Variants in TRAPPC9 observed in about 807,000 individuals in gnomAD.
The protein encoded by TRAPPC9 is IKK2 binding protein.
Under a neutral mutation model 124.0 loss-of-function variants are expected in TRAPPC9, and 83 were observed. The ratio of observed to expected loss-of-function variants is 0.67; its 90% CI spans 0.56 to 0.80. The LOEUF (loss-of-function observed/expected upper bound fraction) is 0.80, where lower values mean the gene tolerates loss of function less well. Among genes scored for constraint, TRAPPC9 ranks in the 30% least tolerant of loss-of-function variants. The pLI is 0.00. For synonymous variants in TRAPPC9, 638 were observed against 617.5 expected, an observed-to-expected ratio of 1.03 and a Z score of -0.49; for missense variants, 1,302 against 1,508.3, an observed-to-expected ratio of 0.86 and a Z score of 2.27.
chr8:140,130,158 T>A (rs953810737), intron 17 of TRAPPC9, among the ~76,000 whole-genome samples: 1 of 152,134 alleles, frequency 6.6e-6, no homozygotes, highest in Non-Finnish European at 1.5e-5. Context: ...AATAAAGAAC[T>A]GGAGTGGATC....
chr8:140,055,048 G>A (rs888367386), intron 17 of TRAPPC9, among the ~76,000 whole-genome samples: 1 of 152,132 alleles, frequency 6.6e-6, no homozygotes, highest in African/African-American at 2.4e-5. Flanking sequence ...AATTTTAGGA[G>A]GCCAGCATTA....
intron 4 of TRAPPC9, among the ~76,000 whole-genome samples, chr8:140,429,491 G>A (rs1356867117): frequency 1.3e-5 from 2 of 152,218 alleles, no homozygotes; most frequent in African/African-American, 4.8e-5. Flanking sequence ...GTAAAACTGG[G>A]ATAATAATCC....
At chr8:139,934,834 G>A (rs1217726782) in intron 19 of TRAPPC9, among the ~76,000 whole-genome samples, 4 of 152,198 alleles carry the variant, frequency 2.6e-5, no homozygotes. Context: ...CGAAGTGACT[G>A]ACCTGCAGCC....
At chr8:140,014,042 G>C (rs1432674625) in intron 18 of TRAPPC9, among the ~76,000 whole-genome samples, 1 of 152,036 alleles carries the variant, frequency 6.6e-6, no homozygotes, top group Non-Finnish European at 1.5e-5. Context: ...ACTGGAAAAA[G>C]ATCTACCACG....
chr8:140,124,775 C>A (rs930945094), intron 17 of TRAPPC9, among the ~76,000 whole-genome samples: 3 of 152,128 alleles, frequency 2.0e-5, no homozygotes, highest in African/African-American at 7.2e-5. Context: ...GGGGTATAAT[C>A]TCCCACAGGG....
chr8:140,007,382 C>T (rs913482137), intron 18 of TRAPPC9, among the ~76,000 whole-genome samples: 2 of 152,190 alleles, frequency 1.3e-5, no homozygotes, highest in African/African-American at 2.4e-5. Flanking sequence ...TAAAATATAA[C>T]ATATAATGAT....
At chr8:140,181,246 C>T (rs2062195303) in intron 17 of TRAPPC9, among the ~76,000 whole-genome samples, 1 of 152,036 alleles carries the variant, frequency 6.6e-6, no homozygotes, top group African/African-American at 2.4e-5. Context: ...CTTCAACCAC[C>T]ATATATCTAT....
chr8:140,003,302 C>T lies in TRAPPC9; in HGVS notation c.2700-14466G>A, dbSNP rs529361467. The stretch of plus-strand genomic sequence containing the variant: ...AAGAAAGCACAAATTAGGCCGGGTG[C>T]GGTGGCTCATGCTTATAATCCCAGC... On this transcript the variant is annotated intron_variant, in intron 18 of 22. Transcript: ENST00000438773. Among the ~76,000 whole-genome samples, 72 of 152,160 alleles carry T rather than the reference C, an allele frequency of 4.7e-4. 1 individual carries two copies. Among genetic ancestry groups the T allele is most frequent in the African/African-American group, 1.7e-3 (69 of 41,524 alleles).
intron 20 of TRAPPC9, among the ~76,000 whole-genome samples, chr8:139,894,175 G>A (rs1289876214): frequency 6.6e-6 from 1 of 152,222 alleles, no homozygotes; most frequent in Non-Finnish European, 1.5e-5. Flanking sequence ...TTTTGATTTA[G>A]GGTAAGTTTC....
At chr8:140,221,261 T>C (rs2063332369) in intron 17 of TRAPPC9, among the ~76,000 whole-genome samples, 198 bp downstream of exon 17, 6 of 152,210 alleles carry the variant, frequency 3.9e-5, no homozygotes, top group Admixed American at 3.3e-4. Flanking sequence ...CATAAGAGTT[T>C]GCAACACCAA....
intron 17 of TRAPPC9, among the ~76,000 whole-genome samples, chr8:140,128,728 T>C (rs1038843577): frequency 2.6e-5 from 4 of 152,138 alleles, no homozygotes; most frequent in Admixed American, 6.5e-5. Context: ...GGAGCCGAGA[T>C]GGGGAGCCAG....
intron 21 of TRAPPC9, among the ~76,000 whole-genome samples, chr8:139,882,003 G>A (rs1471867154): frequency 2.6e-5 from 4 of 152,178 alleles, no homozygotes; most frequent in Non-Finnish European, 5.9e-5. Context: ...TCCCTGGGGT[G>A]GGCAAGGGGG....
chr8:140,033,002 T>C lies in TRAPPC9; in HGVS notation c.2557-8923A>G, dbSNP rs73357162. 1.6e-3 allele frequency among the ~76,000 whole-genome samples: 237 copies of C among 152,370 alleles called. 2 individuals carry two copies. The highest frequency in any genetic ancestry group is 5.4e-3 in the African/African-American group (225 of 41,584). ...TAAAAAAGTGGAACATCTTTCCATA[T>C]GCTTGGCACATTTTCATGCCTTTTT... On this transcript the variant is annotated intron_variant, in intron 17 of 22. Coordinates refer to ENST00000438773, the MANE Select transcript of TRAPPC9 (RefSeq NM_001160372.4).
intron 18 of TRAPPC9, among the ~76,000 whole-genome samples, chr8:140,012,735 C>T (rs1839216611): frequency 6.6e-6 from 1 of 152,180 alleles, no homozygotes; most frequent in South Asian, 2.1e-4. Flanking sequence ...TGCCTGAGTC[C>T]CTCACCTGCA....
At chr8:140,043,292 C>T (rs1841379632) in intron 17 of TRAPPC9, among the ~76,000 whole-genome samples, 1 of 152,228 alleles carries the variant, frequency 6.6e-6, no homozygotes, top group Non-Finnish European at 1.5e-5. Flanking sequence ...TCTTAACAAA[C>T]ATCTCTTGTA....
chr8:140,147,981 C>A (rs2061487545), intron 17 of TRAPPC9, among the ~76,000 whole-genome samples: 1 of 152,226 alleles, frequency 6.6e-6, no homozygotes, highest in African/African-American at 2.4e-5. Context: ...TATTCTCCTG[C>A]TCGAGAAACA....
chr8:140,199,965 A>T (rs920608684), intron 17 of TRAPPC9, among the ~76,000 whole-genome samples: 8 of 152,168 alleles, frequency 5.3e-5, no homozygotes, highest in Non-Finnish European at 8.8e-5. Flanking sequence ...AAATTTTTTT[A>T]AAAAAGGAAT....
intron 17 of TRAPPC9, among the ~76,000 whole-genome samples, chr8:140,127,906 T>C (rs1315952211): frequency 1.3e-5 from 2 of 152,224 alleles, no homozygotes; most frequent in Non-Finnish European, 2.9e-5. Context: ...TAGATTAACC[T>C]GAAGTCATAA....
chr8:140,280,737 T>C (rs2065285922), intron 14 of TRAPPC9, among the ~76,000 whole-genome samples: 2 of 152,130 alleles, frequency 1.3e-5, no homozygotes, highest in Non-Finnish European at 1.5e-5. Context: ...CCCAGCCTGA[T>C]ACCCAGTTTT....
Sources: gnomAD v4.1 joint callset for allele counts (sites outside exome capture counted in the v4.1 genomes callset) on GRCh38, gnomAD v4.1.1 for gene constraint, MANE v1.5 for transcripts, NCBI Gene and HGNC (gene_info 2026-07-23, HGNC 2026-07-21) for gene names.